Variants in KCNQ5 observed in about 807,000 individuals in gnomAD.
The protein encoded by KCNQ5 is potassium voltage-gated channel subfamily KQT member 5.
KCNQ5 carries 30 observed loss-of-function variants against 98.2 expected under a neutral mutation model. The observed-to-expected ratio is 0.31, with a 90% CI of 0.23 to 0.41. KCNQ5 has a LOEUF of 0.41. Among genes scored for constraint, KCNQ5 ranks in the 10% least tolerant of loss-of-function variants. The pLI is 1.00. For synonymous variants in KCNQ5, 458 were observed against 449.4 expected, an observed-to-expected ratio of 1.02 and a Z score of -0.24; for missense variants, 835 against 1,182.5, an observed-to-expected ratio of 0.71 and a Z score of 4.31.
chr6:72,864,359 A>C (rs1469651755), intron 1 of KCNQ5, among the ~76,000 whole-genome samples: 1 of 152,176 alleles, frequency 6.6e-6, no homozygotes, highest in African/African-American at 2.4e-5. Context: ...TAAATTACTA[A>C]GTACTGTCCT....
intron 1 of KCNQ5, among the ~76,000 whole-genome samples, chr6:72,685,401 C>A (rs1767900244): frequency 6.6e-6 from 1 of 152,186 alleles, no homozygotes. Flanking sequence ...TTCTTTTGAG[C>A]TGGATATACA....
intron 1 of KCNQ5, among the ~76,000 whole-genome samples, chr6:72,904,997 C>G (rs1779646759): frequency 6.6e-6 from 1 of 152,074 alleles, no homozygotes; most frequent in South Asian, 2.1e-4. Context: ...TCTTCTCCCT[C>G]AGGAATGCTA....
intron 1 of KCNQ5, among the ~76,000 whole-genome samples, chr6:72,633,245 G>A (rs1040544407): frequency 6.6e-6 from 1 of 152,042 alleles, no homozygotes; most frequent in Admixed American, 6.6e-5. Context: ...AGAAGTGTCT[G>A]TTCATGTTCT....
intron 1 of KCNQ5, among the ~76,000 whole-genome samples, chr6:72,989,660 A>G (rs1200793334): frequency 4.9e-3 from 1 of 204 alleles, no homozygotes. Context: ...CTTTAGTTTA[A>G]TTAGATCCCA....
intron 1 of KCNQ5, among the ~76,000 whole-genome samples, chr6:72,651,733 A>C (rs1582049563): frequency 6.6e-6 from 1 of 152,028 alleles, no homozygotes; most frequent in Non-Finnish European, 1.5e-5. Flanking sequence ...CCTTAAAATG[A>C]TATTACATAT....
At chr6:73,006,558 C>A (rs1327442773) in intron 2 of KCNQ5, among the ~76,000 whole-genome samples, 1 of 152,070 alleles carries the variant, frequency 6.6e-6, no homozygotes, top group East Asian at 1.9e-4. Context: ...GAGGCTGAGG[C>A]AAGAGAATAG....
intron 1 of KCNQ5, among the ~76,000 whole-genome samples, chr6:72,766,317 T>C (rs1158022771): frequency 6.6e-6 from 1 of 152,092 alleles, no homozygotes; most frequent in East Asian, 1.9e-4. Flanking sequence ...AAAAGCTAAA[T>C]CATGCAAGGC....
At chr6:73,188,573 T>C (rs1456856857) in intron 11 of KCNQ5, among the ~76,000 whole-genome samples, 2 of 152,208 alleles carry the variant, frequency 1.3e-5, no homozygotes, top group African/African-American at 4.8e-5. Context: ...TCCTTCCTCC[T>C]CTTATTCAAC....
At position 72,901,642 on chromosome 6, in the gene KCNQ5, A is replaced by G. The variant is rs144734331; in HGVS notation, c.399-102266A>G. Among the ~76,000 whole-genome samples, 1,151 of 152,274 alleles carry G rather than the reference A, an allele frequency of 7.6e-3. 16 individuals carry two copies. The highest frequency in any genetic ancestry group is 0.024 in the African/African-American group (1,009 of 41,546). On this transcript the variant is annotated intron_variant, in intron 1 of 13. Transcript: ENST00000370398. ...CTTTATGTTTTTGTTTGCTTTGTCA[A>G]AGATCAGTTAGCTGTAAGTATCTGG...
At chr6:72,774,447 G>T (rs1773062438) in intron 1 of KCNQ5, among the ~76,000 whole-genome samples, 1 of 151,960 alleles carries the variant, frequency 6.6e-6, no homozygotes, top group Admixed American at 6.6e-5. Flanking sequence ...CTAAAACAAA[G>T]GGTAGAAACC....
chr6:73,155,490 G>A (rs1400939258), intron 10 of KCNQ5, among the ~76,000 whole-genome samples: 1 of 152,150 alleles, frequency 6.6e-6, no homozygotes, highest in Admixed American at 6.5e-5. Context: ...ACAGCACCTA[G>A]GAAAGCAGTT....
chr6:73,117,128 A>G (rs1190580328), intron 7 of KCNQ5, among the ~76,000 whole-genome samples: 1 of 152,236 alleles, frequency 6.6e-6, no homozygotes, highest in African/African-American at 2.4e-5. Flanking sequence ...AATTAACCAT[A>G]GGAAATCCCT....
chr6:72,734,666 A>C (rs1243006200), intron 1 of KCNQ5, among the ~76,000 whole-genome samples: 1 of 152,200 alleles, frequency 6.6e-6, no homozygotes, highest in African/African-American at 2.4e-5. Flanking sequence ...ATTCTACTTC[A>C]TAGGCATATA....
chr6:73,052,337 T>C (rs1772282570), intron 3 of KCNQ5, among the ~76,000 whole-genome samples: 1 of 152,086 alleles, frequency 6.6e-6, no homozygotes, highest in Non-Finnish European at 1.5e-5. Context: ...TCCATGAAAA[T>C]TCCCCCAACT....
chr6:72,752,520 T>C (rs775218271), intron 1 of KCNQ5, among the ~76,000 whole-genome samples: 1 of 152,124 alleles, frequency 6.6e-6, no homozygotes, highest in East Asian at 1.9e-4. Context: ...CTAAAGAACA[T>C]AGTTTCACTC....
intron 1 of KCNQ5, among the ~76,000 whole-genome samples, chr6:72,977,257 A>T (rs1768199434): frequency 6.6e-6 from 1 of 152,184 alleles, no homozygotes; most frequent in Non-Finnish European, 1.5e-5. Context: ...AAAGAGTATG[A>T]GCTTGGGGAT....
chr6:72,943,654 G>T (rs1766409559), intron 1 of KCNQ5, among the ~76,000 whole-genome samples: 1 of 152,176 alleles, frequency 6.6e-6, no homozygotes, highest in Non-Finnish European at 1.5e-5. Context: ...GTGGCACAGA[G>T]GTTAAGAGCA....
chr6:73,125,655 G>A (rs1203656706), intron 9 of KCNQ5: 2 of 198,218 alleles, frequency 1.0e-5, no homozygotes, highest in Non-Finnish European at 2.0e-5. Flanking sequence ...GGTGTATTAA[G>A]GCTCTGGATT....
In KCNQ5 at chr6:73,192,602, G is replaced by A; in HGVS notation, c.1747G>A (p.Asp583Asn). The A allele has an allele frequency of 6.2e-7, 1 of 1,611,668 alleles. No individual in the cohort carries two copies. Among genetic ancestry groups the A allele is most frequent in the Non-Finnish European group, 8.5e-7 (1 of 1,178,820 alleles). Residue 583 changes from aspartate (D) to asparagine (N), a missense_variant, in exon 13 of 14, where the codon GAT becomes AAT. By Grantham distance (23) the Asp-to-Asn change is conservative (BLOSUM62 1). Around this residue, in one of 10 missense-constraint regions of KCNQ5, gnomAD observed 416 missense variants for 446.9 expected, o/e 0.93. Coordinates refer to ENST00000370398, the MANE Select transcript of KCNQ5 (RefSeq NM_019842.4). ...TCTTGGAAAAGGGCAAATCACATCA[G>A]ATAAGAAGAGCCGAGAGAAAATAAC... is the stretch of plus-strand genomic sequence containing the variant. ...QILGKGQITS[D>N]KKSREKITAE...
Sources: gnomAD v4.1 joint callset for allele counts (sites outside exome capture counted in the v4.1 genomes callset) on GRCh38, gnomAD v4.1.1 for gene constraint, gnomAD v4.1.1 regional missense constraint, MANE v1.5 for transcripts, NCBI Gene and HGNC (gene_info 2026-07-23, HGNC 2026-07-21) for gene names.